WDR72: variants seen among roughly 807,000 people sequenced by gnomAD.
WDR72 encodes the protein WD repeat domain 72.
Under a neutral mutation model 124.2 loss-of-function variants are expected in WDR72, and 120 were observed. The observed-to-expected ratio is 0.97, with a 90% CI of 0.83 to 1.12. The LOEUF is 1.12. Ranked by LOEUF, WDR72 falls within the 50% of genes most tolerant of loss-of-function variation. WDR72 has a pLI of 0.00. For synonymous variants in WDR72, 452 were observed against 441.7 expected (o/e 1.02, Z -0.29); for missense variants, 1,387 against 1,278.8 (o/e 1.08, Z -1.29).
chr15:53,616,583 G>A (rs1339456186), intron 14 of WDR72, among the ~76,000 whole-genome samples: 1 of 151,892 alleles, frequency 6.6e-6, no homozygotes, highest in Non-Finnish European at 1.5e-5. Context: ...CAAGGACAAG[G>A]TAGGTTTGAA....
At chr15:53,560,484 G>C (rs1042296103) in intron 18 of WDR72, among the ~76,000 whole-genome samples, 1 of 151,740 alleles carries the variant, frequency 6.6e-6, no homozygotes, top group Admixed American at 6.6e-5. Flanking sequence ...ATCCCATGGC[G>C]ACCCACCCCT....
At chr15:53,663,129 C>T (rs901919894) in intron 14 of WDR72, among the ~76,000 whole-genome samples, 1 of 149,352 alleles carries the variant, frequency 6.7e-6, no homozygotes, top group African/African-American at 2.5e-5. Flanking sequence ...ACAATCTCAA[C>T]AGCCTAACTC....
chr15:53,662,598 C>T (rs1179683408), intron 14 of WDR72, among the ~76,000 whole-genome samples: 1 of 152,170 alleles, frequency 6.6e-6, no homozygotes, highest in East Asian at 1.9e-4. Context: ...TACTGTCCCT[C>T]ATTTTTTCCA....
intron 14 of WDR72, among the ~76,000 whole-genome samples, chr15:53,624,792 T>G (rs2014140340): frequency 6.6e-6 from 1 of 152,236 alleles, no homozygotes; most frequent in Admixed American, 6.5e-5. Flanking sequence ...TAGTCATCAC[T>G]GTTTGAAACT....
At position 53,517,559 on chromosome 15, in the gene WDR72, T is replaced by C. The variant is rs1376965358; in HGVS notation, c.*140A>G. The C allele has an allele frequency of 2.4e-6, 2 of 821,646 alleles. No individual in the cohort carries two copies. The highest frequency in any genetic ancestry group is 1.7e-5 in the African/African-American group (1 of 59,038). 50.9% of individuals were successfully genotyped at this position (821,646 alleles called of 1,614,324 possible). A position where few individuals can be genotyped will look rare whatever the true frequency, so the allele number is the denominator to read the frequency against. ...CATGTATTAAAATCACTTTAATACA[T>C]GTTGGCTAAAGTATTAGCAAATCCA... On this transcript the variant is annotated 3_prime_UTR_variant, in exon 20 of 20. Coordinates refer to ENST00000360509, the MANE Select transcript of WDR72 (RefSeq NM_182758.4).
At chr15:53,638,475 G>T (rs1315985266) in intron 14 of WDR72, among the ~76,000 whole-genome samples, 1 of 151,942 alleles carries the variant, frequency 6.6e-6, no homozygotes, top group African/African-American at 2.4e-5. Flanking sequence ...GTTTAAACAT[G>T]GTCCTGGAAG....
chr15:53,701,676 T>C (rs2017184346), intron 12 of WDR72, among the ~76,000 whole-genome samples: 1 of 152,066 alleles, frequency 6.6e-6, no homozygotes, highest in Non-Finnish European at 1.5e-5. Flanking sequence ...CAGGCTGGAA[T>C]GCAGTAGCAT....
intron 11 of WDR72, among the ~76,000 whole-genome samples, chr15:53,704,689 C>CTTTT (rs66465971): frequency 3.2e-5 from 4 of 123,644 alleles, no homozygotes; most frequent in Non-Finnish European, 6.6e-5. Context: ...CCATGCCCAG[C>CTTTT]TTTTTTTTTT....
chr15:53,579,531 G>T (rs1307774432), intron 18 of WDR72, among the ~76,000 whole-genome samples: 1 of 152,076 alleles, frequency 6.6e-6, no homozygotes, highest in Non-Finnish European at 1.5e-5. Context: ...AACCACCAGA[G>T]GGAATGGGCG....
chr15:53,544,928 T>A (rs980840330), intron 18 of WDR72, among the ~76,000 whole-genome samples: 18 of 147,942 alleles, frequency 1.2e-4, no homozygotes, highest in African/African-American at 4.3e-4. Context: ...TCAAAGAGAA[T>A]AAAATACCTA....
chr15:53,602,439 A>T (rs1478907891), intron 17 of WDR72, among the ~76,000 whole-genome samples: 2 of 152,122 alleles, frequency 1.3e-5, no homozygotes, highest in African/African-American at 2.4e-5. Context: ...GAGAATCAAG[A>T]GCAAAAAAAT....
In WDR72 at chr15:53,515,051, GTGTGTATATA is replaced by G. The variant is rs1891373506; in HGVS notation, c.*2638_*2647del. On this transcript the variant is annotated 3_prime_UTR_variant, in exon 20 of 20. Transcript: ENST00000360509. The stretch of plus-strand genomic sequence containing the variant: ...CACACATATATATGTGTATATATAT[GTGTGTATATA>G]TATACACACATATATATGTATGTAT... 6.7e-5 allele frequency: 9 copies of G among 133,652 alleles called. No homozygotes were observed. Among genetic ancestry groups the G allele is most frequent in the East Asian group, 2.1e-4 (1 of 4,656 alleles). The allele number at this position is 133,652 out of a possible 1,614,324, so 8.3% of individuals were successfully genotyped here. A position where few individuals can be genotyped will look rare whatever the true frequency, so the allele number is the denominator to read the frequency against.
intron 3 of WDR72, among the ~76,000 whole-genome samples, chr15:53,719,845 C>T (rs1241995292): frequency 2.0e-5 from 3 of 152,178 alleles, no homozygotes; most frequent in Non-Finnish European, 2.9e-5. Context: ...GAAGCACTCA[C>T]CTAGCGGCTT....
chr15:53,568,918 G>A (rs1371666953), intron 18 of WDR72, among the ~76,000 whole-genome samples: 1 of 151,864 alleles, frequency 6.6e-6, no homozygotes, highest in Non-Finnish European at 1.5e-5. Context: ...AGAATGGTAC[G>A]ATATATACTA....
chr15:53,757,104 C>G (rs2018929524), intron 1 of WDR72, among the ~76,000 whole-genome samples: 1 of 152,152 alleles, frequency 6.6e-6, no homozygotes, highest in Non-Finnish European at 1.5e-5. Flanking sequence ...ACTCCTGGGT[C>G]CCCAAAGTTG....
chr15:53,719,610 G>GT (rs1394324556), intron 3 of WDR72, among the ~76,000 whole-genome samples: 1 of 152,044 alleles, frequency 6.6e-6, no homozygotes, highest in East Asian at 1.9e-4. Flanking sequence ...TAAATTTCCC[G>GT]TAACTCTTGA....
chr15:53,711,606 C>T (rs1376167582), intron 7 of WDR72, 125 bp from the exon 8 acceptor site: 3 of 1,007,502 alleles, frequency 3.0e-6, no homozygotes, highest in African/African-American at 1.6e-5. Context: ...ATACTGTACT[C>T]TCATATTAAG....
chr15:53,665,852 G>T (rs908717226), intron 13 of WDR72, 84 bp from the exon 14 acceptor site: 72 of 1,355,884 alleles, frequency 5.3e-5, no homozygotes, highest in Non-Finnish European at 7.4e-5. Context: ...TTTAGCAGAA[G>T]AATCACAATC....
intron 17 of WDR72, among the ~76,000 whole-genome samples, chr15:53,608,847 G>C (rs953548497): frequency 2.6e-5 from 4 of 152,010 alleles, no homozygotes; most frequent in African/African-American, 9.7e-5. Context: ...AGCAGAGGCT[G>C]GGAAGGGTAG....
Sources: gnomAD v4.1 joint callset for allele counts (sites outside exome capture counted in the v4.1 genomes callset) on GRCh38, gnomAD v4.1.1 for gene constraint, MANE v1.5 for transcripts, NCBI Gene and HGNC (gene_info 2026-07-23, HGNC 2026-07-21) for gene names.